The following TNS1 variants were observed in gnomAD, a reference collection of about 807,000 sequenced individuals.
TNS1 encodes tensin-1.
Under a neutral mutation model 168.6 loss-of-function variants are expected in TNS1, and 62 were observed. That is an observed-to-expected ratio of 0.37 (90% CI 0.30 to 0.45). TNS1 has a LOEUF of 0.45. TNS1 is among the 20% of genes least tolerant of loss of function. The pLI, the probability that TNS1 is intolerant of heterozygous loss-of-function variation, is 1.00. For synonymous variants in TNS1, 934 were observed against 933.2 expected (o/e 1.00, Z -0.02); for missense variants, 2,240 against 2,339.4 (o/e 0.96, Z 0.88).
intron 4 of TNS1, among the ~76,000 whole-genome samples, chr2:217,911,865 A>T (rs1166503618): frequency 6.6e-6 from 1 of 152,224 alleles, no homozygotes; most frequent in Non-Finnish European, 1.5e-5. Context: ...CAGTTATAGC[A>T]GGACTTCTGT....
intron 29 of TNS1, 58 bp from the exon 30 acceptor site, chr2:217,810,049 C>G: frequency 6.4e-7 from 1 of 1,570,824 alleles, no homozygotes; most frequent in Non-Finnish European, 8.7e-7. Context: ...AGGACATTAA[C>G]CCAGATCCAT....
intron 18 of TNS1, among the ~76,000 whole-genome samples, chr2:217,866,354 T>C (rs1949269914): frequency 6.6e-6 from 1 of 152,198 alleles, no homozygotes; most frequent in African/African-American, 2.4e-5. Flanking sequence ...GAAGATGCTC[T>C]ACCAGGCACT....
At chr2:217,843,891 A>G (rs1270084740) in intron 19 of TNS1, among the ~76,000 whole-genome samples, 1 of 152,172 alleles carries the variant, frequency 6.6e-6, no homozygotes, top group Non-Finnish European at 1.5e-5. Flanking sequence ...CTTTGTGAGA[A>G]TGATTCCAAA....
At chr2:218,012,959 T>A (rs1958719139), upstream of TNS1, among the ~76,000 whole-genome samples, 1 of 152,024 alleles carries the variant, frequency 6.6e-6, no homozygotes, top group Non-Finnish European at 1.5e-5. Context: ...CATCAGAAAC[T>A]GCATCAGGCC....
At chr2:217,985,004 AC>A (rs1958157852) in intron 2 of TNS1, among the ~76,000 whole-genome samples, 1 of 149,836 alleles carries the variant, frequency 6.7e-6, no homozygotes, top group African/African-American at 2.5e-5. Flanking sequence ...TGATCTGCCT[AC>A]CTCGGCCTCC....
At chr2:217,898,397 A>G (rs1952547874) in intron 7 of TNS1, among the ~76,000 whole-genome samples, 2 of 152,204 alleles carry the variant, frequency 1.3e-5, no homozygotes, top group African/African-American at 4.8e-5. Flanking sequence ...AAGAGGAAGG[A>G]GAGCCTGCGC....
intron 3 of TNS1, among the ~76,000 whole-genome samples, chr2:217,924,876 G>A (rs1575093692): frequency 1.3e-5 from 2 of 152,214 alleles, no homozygotes; most frequent in South Asian, 4.1e-4. Flanking sequence ...TGGTTATGCA[G>A]TGGTGGCCCA....
At chr2:217,915,253 G>A (rs528402119) in intron 4 of TNS1, among the ~76,000 whole-genome samples, 7 of 152,302 alleles carry the variant, frequency 4.6e-5, no homozygotes, top group East Asian at 1.9e-4. Context: ...TCCAGTTAAC[G>A]TCACATCCTT....
At chr2:217,928,378 C>T (rs1468333378) in intron 3 of TNS1, among the ~76,000 whole-genome samples, 1 of 152,228 alleles carries the variant, frequency 6.6e-6, no homozygotes, top group Non-Finnish European at 1.5e-5. Context: ...GGCAGCTGGC[C>T]TTCACCGGGG....
chr2:217,835,052 G>C (rs769932466), intron 21 of TNS1, 39 bp downstream of exon 21: 1 of 1,529,368 alleles, frequency 6.5e-7, no homozygotes, highest in South Asian at 1.3e-5. Context: ...AGGGGCTGGA[G>C]GGTACACAGG....
At chr2:218,020,126 C>T (rs558402714) in intron 1 of TNS1, among the ~76,000 whole-genome samples, 1 of 152,208 alleles carries the variant, frequency 6.6e-6, no homozygotes, top group East Asian at 1.9e-4. Flanking sequence ...AAGCATAAAT[C>T]CCAGAGGGAA....
upstream of TNS1, among the ~76,000 whole-genome samples, chr2:218,014,631 T>C (rs1958739881): frequency 6.6e-6 from 1 of 152,236 alleles, no homozygotes; most frequent in Non-Finnish European, 1.5e-5. Flanking sequence ...TCGATTGCTT[T>C]GAGCCTCAAA....
intron 3 of TNS1, among the ~76,000 whole-genome samples, chr2:217,978,552 G>A (rs1460455839): frequency 7.3e-4 from 7 of 9,524 alleles, no homozygotes; most frequent in African/African-American, 2.4e-3. Context: ...CAGATCCCCC[G>A]ATTCCCCAGC....
rs1183345866 is a variant in TNS1, at chr2:217,821,814, C to G, written c.3498G>C (p.Arg1166Ser). The G allele has an allele frequency of 1.3e-6, 2 of 1,561,124 alleles. No homozygotes were observed. Among genetic ancestry groups the G allele is most frequent in the Non-Finnish European group, 1.7e-6 (2 of 1,156,662 alleles). The stretch of plus-strand genomic sequence containing the variant: ...CAAAGGAGCCACCCAGGGTCCCGTT[C>G]CTCAGGGGTATCTCATGGCCATAGG... ...TQAYGHEIPL[R>S]NGTLGGSFVS... Residue 1166 changes from arginine to serine, a missense_variant, in exon 23 of 33, where the codon AGG (arginine) becomes AGC (serine). Physicochemically the swap from Arg to Ser is moderately radical, Grantham distance 110. Transcript: ENST00000682258.
chr2:217,921,806 C>T (rs140574947), intron 3 of TNS1, among the ~76,000 whole-genome samples: 66 of 152,298 alleles, frequency 4.3e-4, no homozygotes, highest in African/African-American at 1.3e-3. Context: ...ATTATAAATG[C>T]TTTACCTCTG....
intron 3 of TNS1, among the ~76,000 whole-genome samples, chr2:217,945,660 A>C (rs1957086281): frequency 6.6e-6 from 1 of 152,178 alleles, no homozygotes; most frequent in Non-Finnish European, 1.5e-5. Flanking sequence ...ACAAATGGCA[A>C]GGATGGTGAA....
At chr2:217,932,647 C>T (rs1956382020) in intron 3 of TNS1, among the ~76,000 whole-genome samples, 1 of 152,088 alleles carries the variant, frequency 6.6e-6, no homozygotes, top group South Asian at 2.1e-4. Flanking sequence ...CCCCATTTTA[C>T]AGAAGAAGAA....
intron 4 of TNS1, among the ~76,000 whole-genome samples, chr2:217,911,356 G>A (rs1206852926): frequency 6.6e-6 from 1 of 152,188 alleles, no homozygotes. Flanking sequence ...AGCAAAGCAA[G>A]GTGGGGACTA....
rs540965408 is a variant in TNS1 at position 217,893,173 on chromosome 2, G to A, written c.718-161C>T. 3.9e-5 allele frequency among the ~76,000 whole-genome samples: 6 copies of A among 152,272 alleles called. No homozygotes were observed. In the South Asian group the frequency reaches 1.2e-3, roughly 32 times the overall value. On this transcript the variant is annotated intron_variant, in intron 10 of 32. Coordinates refer to ENST00000682258, the MANE Select transcript of TNS1 (RefSeq NM_001387777.1). Reference sequence around the variant, plus strand: ...AGGGGGCCTCAGGGGAGGGAGGCAGGTGGGGACTAAGTCTCAGAAAAAACA... The same window carrying A: ...AGGGGGCCTCAGGGGAGGGAGGCAGATGGGGACTAAGTCTCAGAAAAAACA...
Sources: gnomAD v4.1 joint callset for allele counts (sites outside exome capture counted in the v4.1 genomes callset) on GRCh38, gnomAD v4.1.1 for gene constraint, MANE v1.5 for transcripts, NCBI Gene and HGNC (gene_info 2026-07-23, HGNC 2026-07-21) for gene names.